The following SYBU variants were observed in gnomAD, a reference collection of about 807,000 sequenced individuals.
SYBU encodes the protein GOLSYN A protein.
SYBU carries 21 observed loss-of-function variants against 35.9 expected under a neutral mutation model. The observed-to-expected ratio is 0.58, with a 90% CI of 0.41 to 0.84. The LOEUF (loss-of-function observed/expected upper bound fraction) is 0.84. Ranked by LOEUF, SYBU falls within the 40% of genes least tolerant of loss-of-function variation. SYBU has a pLI of 0.00. For synonymous variants in SYBU, 319 were observed against 324.3 expected, an observed-to-expected ratio of 0.98 and a Z score of 0.18; for missense variants, 768 against 848.2, an observed-to-expected ratio of 0.91 and a Z score of 1.17.
intron 1 of SYBU, among the ~76,000 whole-genome samples, chr8:109,656,101 G>A (rs1269745887): frequency 7.0e-6 from 1 of 142,300 alleles, no homozygotes; most frequent in East Asian, 2.1e-4. Context: ...GGACAACAGA[G>A]CGAGACTCCG....
At chr8:109,590,888 T>C (rs769307200) in intron 3 of SYBU, among the ~76,000 whole-genome samples, 4 of 151,858 alleles carry the variant, frequency 2.6e-5, no homozygotes, top group Admixed American at 6.6e-5. Context: ...ACTAAAAATA[T>C]AAATGAAGGT....
Position 109,575,230 on chromosome 8 carries a change from G to A in SYBU, c.1668C>T (p.Pro556=). 1 of 1,614,174 alleles carries A rather than the reference G, an allele frequency of 6.2e-7. No homozygotes were observed. The highest frequency in any genetic ancestry group is 8.5e-7 in the Non-Finnish European group (1 of 1,180,010). The change falls in exon 7 of 7, where the codon CCC becomes CCT. Residue 556 remains proline, a synonymous_variant. Coordinates refer to ENST00000276646, the MANE Select transcript of SYBU (RefSeq NM_001099754.2). The part of the protein sequence containing the change: ...RNPNSAILLS[P]VETPYANVDA... ...CCACATTGGCGTAGGGGGTCTCCAC[G>A]GGAGACAAAAGGATGGCTGAGTTTG...
intron 1 of SYBU, among the ~76,000 whole-genome samples, chr8:109,657,858 T>C (rs1816413038): frequency 6.6e-6 from 1 of 152,238 alleles, no homozygotes; most frequent in African/African-American, 2.4e-5. Context: ...TTGTTGGCCA[T>C]ATATTTATAC....
intron 1 of SYBU, among the ~76,000 whole-genome samples, chr8:109,673,431 C>A (rs961129050): frequency 1.5e-4 from 23 of 152,228 alleles, no homozygotes; most frequent in Non-Finnish European, 1.2e-4. Context: ...GGCAGACCTG[C>A]AACAGAGGGG....
chr8:109,643,118 T>C lies in SYBU; in HGVS notation c.25-186A>G, dbSNP rs904847964. The C allele has an allele frequency of 6.8e-6, 9 of 1,332,814 alleles. No homozygotes were observed. In the African/African-American group the frequency reaches 1.2e-4, roughly 18 times the overall value. The allele number at this position is 1,332,814 out of a possible 1,614,324, so 82.6% of individuals were successfully genotyped here. On this transcript the variant is annotated intron_variant, in intron 1 of 6. Coordinates refer to ENST00000276646, the MANE Select transcript of SYBU (RefSeq NM_001099754.2). ...AACTCTTCCAATGAGTTAACCTTTC[T>C]AATCTACTGAATAGCACATGTCTGT...
At chr8:109,619,184 T>C (rs972736751) in intron 2 of SYBU, 145 bp from the exon 3 acceptor site, 4 of 625,940 alleles carry the variant, frequency 6.4e-6, no homozygotes, top group African/African-American at 5.5e-5. Context: ...CTGTGGACTC[T>C]CCTCTCATGA....
chr8:109,665,873 A>G (rs747980299), intron 1 of SYBU, among the ~76,000 whole-genome samples: 2 of 152,248 alleles, frequency 1.3e-5, no homozygotes, highest in Non-Finnish European at 2.9e-5. Context: ...AATACTTACC[A>G]AATGCTTCTA....
chr8:109,598,578 C>CTCA (rs974822529), intron 3 of SYBU, among the ~76,000 whole-genome samples: 18 of 152,196 alleles, frequency 1.2e-4, no homozygotes, highest in South Asian at 2.1e-4. Context: ...ACAGTAAATA[C>CTCA]TCATCATCAT....
chr8:109,579,874 G>A lies in SYBU; in HGVS notation c.659C>T (p.Pro220Leu). 1 of 1,614,144 alleles carries A rather than the reference G, an allele frequency of 6.2e-7. No individual in the cohort carries two copies. The highest frequency in any genetic ancestry group is 8.5e-7 in the Non-Finnish European group (1 of 1,180,034). The stretch of plus-strand genomic sequence containing the variant: ...GCTTGGGGAAGAAGGTGCATAACTG[G>A]GATGGATATTGACAGGGCTCAGCTG... ...RNQLSPVNIH[P>L]SYAPSSPSSS... is the part of the protein sequence containing the mutation. Residue 220 changes from proline to leucine, a missense_variant, in exon 5 of 7, where the codon CCC becomes CTC. Physicochemically the swap from Pro to Leu is moderately conservative, Grantham distance 98. Coordinates refer to ENST00000276646, the MANE Select transcript of SYBU (RefSeq NM_001099754.2).
chr8:109,577,565 C>T lies in SYBU; in HGVS notation c.884+303G>A, dbSNP rs370229255. ...CGTGTTTTTGCCATTTAAAAATAGT[C>T]ATGCACACACCTGATTATTTCACAT... On this transcript the variant is annotated intron_variant, in intron 6 of 6. Coordinates refer to ENST00000276646, the MANE Select transcript of SYBU (RefSeq NM_001099754.2). Among the ~76,000 whole-genome samples, 20 of 152,100 alleles carry T rather than the reference C, an allele frequency of 1.3e-4. No individual in the cohort carries two copies. The East Asian group carries it at 3.3e-3, about 25-fold the overall frequency.
intron 1 of SYBU, among the ~76,000 whole-genome samples, chr8:109,686,384 AC>A (rs1817519904): frequency 6.6e-6 from 1 of 152,118 alleles, no homozygotes; most frequent in African/African-American, 2.4e-5. Flanking sequence ...ACGCTTTCAA[AC>A]CCCTTCTCTC....
At chr8:109,621,441 C>T (rs966137134) in intron 2 of SYBU, among the ~76,000 whole-genome samples, 1 of 152,116 alleles carries the variant, frequency 6.6e-6, no homozygotes, top group Non-Finnish European at 1.5e-5. Flanking sequence ...AAAATTCAAA[C>T]CTAAATACAT....
Position 109,656,494 on chromosome 8 carries a change from T to G in SYBU, c.-129+24217A>C, listed in dbSNP as rs561220576. On this transcript the variant is annotated intron_variant, in intron 1 of 5. Coordinates refer to the SYBU transcript ENST00000408889. The stretch of plus-strand genomic sequence containing the variant: ...TTTTCTCTTTTAATTATGTAATGTG[T>G]ATCTGAAAATATTATTTTAAAATGT... Among the ~76,000 whole-genome samples, 8 of 152,330 alleles carry G rather than the reference T, an allele frequency of 5.3e-5. No homozygotes were observed. The South Asian group carries it at 1.7e-3, about 32-fold the overall frequency.
rs1815411818 is a variant in SYBU, at chr8:109,644,741, G to GC, written c.-83dup. The GC allele has an allele frequency of 5.4e-6, 7 of 1,299,158 alleles. No homozygotes were observed. The highest frequency in any genetic ancestry group is 8.1e-5 in the Admixed American group (2 of 24,550). 80.5% of individuals were successfully genotyped at this position (1,299,158 alleles called of 1,614,324 possible). A position where few individuals can be genotyped will look rare whatever the true frequency, so the allele number is the denominator to read the frequency against. On this transcript the variant is annotated 5_prime_UTR_variant, in exon 1 of 7. Coordinates refer to ENST00000276646, the MANE Select transcript of SYBU (RefSeq NM_001099754.2). ...CCTGCGAGCACGGAGCGAGGAGACT[G>GC]CGCTGAGCCGGCGCGGGCTGCGGGC...
intron 1 of SYBU, among the ~76,000 whole-genome samples, chr8:109,674,075 G>A (rs1817088162): frequency 6.6e-6 from 1 of 152,098 alleles, no homozygotes; most frequent in South Asian, 2.1e-4. Context: ...TGAAACTGAT[G>A]GGGATAATGG....
At chr8:109,581,515 C>A (rs932638646) in intron 4 of SYBU, among the ~76,000 whole-genome samples, 26 of 152,064 alleles carry the variant, frequency 1.7e-4, no homozygotes, top group African/African-American at 5.3e-4. Context: ...GATTTGACAC[C>A]CAGTAGTGTA....
At chr8:109,670,567 A>G (rs1385519356) in intron 1 of SYBU, among the ~76,000 whole-genome samples, 1 of 152,012 alleles carries the variant, frequency 6.6e-6, no homozygotes, top group Non-Finnish European at 1.5e-5. Context: ...TTCCTATAGG[A>G]CTATTTTGAT....
At chr8:109,588,012 A>G (rs574648556) in intron 3 of SYBU, among the ~76,000 whole-genome samples, 1 of 152,238 alleles carries the variant, frequency 6.6e-6, no homozygotes, top group Non-Finnish European at 1.5e-5. Context: ...CAGCAGCATG[A>G]GATTCCTGAC....
At chr8:109,608,163 C>G in intron 3 of SYBU, 1 of 491,250 alleles carries the variant, frequency 2.0e-6, no homozygotes, top group Non-Finnish European at 3.6e-6. Context: ...ACAGGGCCTT[C>G]TCCCTGGTGA....
Sources: gnomAD v4.1 joint callset for allele counts (sites outside exome capture counted in the v4.1 genomes callset) on GRCh38, gnomAD v4.1.1 for gene constraint, MANE v1.5 for transcripts, NCBI Gene and HGNC (gene_info 2026-07-23, HGNC 2026-07-21) for gene names.